TRHDE: variants seen among roughly 807,000 people sequenced by gnomAD.
TRHDE encodes the protein thyrotropin-releasing hormone-degrading ectoenzyme.
TRHDE carries 72 observed loss-of-function variants against 125.7 expected under a neutral mutation model. That is an observed-to-expected ratio of 0.57 (90% confidence interval 0.47 to 0.70). TRHDE has a LOEUF of 0.70. Among genes scored for constraint, TRHDE ranks in the 30% least tolerant of loss-of-function variants. The probability of loss-of-function intolerance (pLI) is 0.00; values close to 1 mark genes in which losing one functional copy is unlikely to be tolerated. For missense variants in TRHDE, 1,110 were observed against 1,327.1 expected (o/e 0.84, Z 2.54); for synonymous variants, 509 against 509.1 (o/e 1.00, Z 0.00).
At chr12:72,251,151 C>A (rs996989919) in intron 2 of TRHDE, among the ~76,000 whole-genome samples, 2 of 151,814 alleles carry the variant, frequency 1.3e-5, no homozygotes, top group Non-Finnish European at 2.9e-5. Context: ...GTTTTACATG[C>A]ATTCATTTGA....
chr12:72,117,258 G>C (rs1433351945), intron 2 of TRHDE, among the ~76,000 whole-genome samples: 2 of 152,010 alleles, frequency 1.3e-5, no homozygotes, highest in East Asian at 3.8e-4. Flanking sequence ...TTTTTATATG[G>C]TGAGAGATAA....
intron 2 of TRHDE, among the ~76,000 whole-genome samples, chr12:72,240,305 T>TTATATA (rs56969276): frequency 0.046 from 5,064 of 111,190 alleles, 136 homozygotes; most frequent in Admixed American, 0.095. Context: ...TTCTCACATT[T>TTATATA]TATATATATA....
At chr12:72,214,269 A>G (rs1877841715) in intron 2 of TRHDE, among the ~76,000 whole-genome samples, 1 of 152,172 alleles carries the variant, frequency 6.6e-6, no homozygotes, top group South Asian at 2.1e-4. Context: ...AAATAAAACC[A>G]TTAGTTCTCT....
chr12:72,111,377 A>G (rs1303529064), intron 2 of TRHDE, among the ~76,000 whole-genome samples: 2 of 152,142 alleles, frequency 1.3e-5, no homozygotes, highest in East Asian at 1.9e-4. Context: ...CATACTATTT[A>G]ACAAGCAAAC....
At chr12:72,522,603 A>G (rs1868268142) in intron 6 of TRHDE, among the ~76,000 whole-genome samples, 3 of 152,224 alleles carry the variant, frequency 2.0e-5, no homozygotes, top group South Asian at 4.1e-4. Context: ...GCTCTGTGCT[A>G]TGAAGCAATA....
rs1872966545 is a variant in TRHDE at position 72,619,732 on chromosome 12, TG to T, written c.2469+695del. Among the ~76,000 whole-genome samples the T allele has an allele frequency of 2.6e-5, 4 of 152,294 alleles. No homozygotes were observed. The South Asian group carries it at 8.3e-4, about 32-fold the overall frequency. On this transcript the variant is annotated intron_variant, in intron 13 of 18. Coordinates refer to ENST00000261180, the MANE Select transcript of TRHDE (RefSeq NM_013381.3). ...TTTTGATTCTTAAATTTCTTATCAC[TG>T]TGCCTTCCATGATGTTTGAACACTA...
chr12:72,581,568 A>G (rs1871227860), intron 12 of TRHDE, among the ~76,000 whole-genome samples: 1 of 152,182 alleles, frequency 6.6e-6, no homozygotes, highest in African/African-American at 2.4e-5. Flanking sequence ...AAACACGTGC[A>G]TATCTATTGT....
intron 6 of TRHDE, among the ~76,000 whole-genome samples, chr12:72,531,649 C>T (rs908214452): frequency 1.3e-5 from 2 of 151,788 alleles, no homozygotes; most frequent in Admixed American, 6.6e-5. Flanking sequence ...GATATTTCTT[C>T]GTTGATGTTG....
At chr12:72,598,999 C>G (rs1048606216) in intron 12 of TRHDE, among the ~76,000 whole-genome samples, 3 of 152,036 alleles carry the variant, frequency 2.0e-5, no homozygotes, top group Non-Finnish European at 4.4e-5. Flanking sequence ...TTTTCTGTTC[C>G]TGCATTAATT....
chr12:72,291,768 C>T (rs1490485106), intron 2 of TRHDE, among the ~76,000 whole-genome samples: 1 of 152,172 alleles, frequency 6.6e-6, no homozygotes, highest in Non-Finnish European at 1.5e-5. Context: ...GGGTTCTATG[C>T]AAATACTATA....
rs561916592 is a variant in TRHDE at position 72,131,266 on chromosome 12, G to A, written n.279+25514G>A. On this transcript the variant is annotated intron_variant and non_coding_transcript_variant, in intron 2 of 4. Coordinates refer to the TRHDE transcript ENST00000548156. ...TTTTTGTAGTTTTAGTAGAGACGGG[G>A]TTTCACCGTGTTCTCCAGGATGGTC... 7.9e-5 allele frequency among the ~76,000 whole-genome samples: 12 copies of A among 151,726 alleles called. No homozygotes were observed. The South Asian group carries it at 2.3e-3, about 29-fold the overall frequency.
chr12:72,565,678 A>G (rs956611426), intron 9 of TRHDE, among the ~76,000 whole-genome samples: 3 of 152,160 alleles, frequency 2.0e-5, no homozygotes, highest in Non-Finnish European at 4.4e-5. Flanking sequence ...ACAGTTTTTC[A>G]CAAAGTCTGG....
intron 2 of TRHDE, among the ~76,000 whole-genome samples, chr12:72,233,855 AT>A (rs1345489894): frequency 1.8e-4 from 27 of 152,124 alleles, no homozygotes; most frequent in Non-Finnish European, 1.0e-4. Flanking sequence ...CACTTAGAAG[AT>A]TTTTTTTCAG....
At chr12:72,298,973 AC>A (rs762819901) in intron 2 of TRHDE, among the ~76,000 whole-genome samples, 79 of 152,160 alleles carry the variant, frequency 5.2e-4, no homozygotes, top group Non-Finnish European at 7.6e-4. Flanking sequence ...AAATGGCCAA[AC>A]TTTTGCACCA....
intron 2 of TRHDE, among the ~76,000 whole-genome samples, chr12:72,260,781 C>T (rs964816918): frequency 7.9e-5 from 12 of 152,098 alleles, no homozygotes; most frequent in African/African-American, 2.9e-4. Flanking sequence ...TTCGTTCATT[C>T]GAAATACGCG....
chr12:72,109,171 T>G (rs1170139455), intron 2 of TRHDE, among the ~76,000 whole-genome samples: 1 of 152,074 alleles, frequency 6.6e-6, no homozygotes, highest in Non-Finnish European at 1.5e-5. Flanking sequence ...AAGACTGGGT[T>G]CCTGCCCTCA....
chr12:72,328,121 C>CA (rs776510638), intron 2 of TRHDE, among the ~76,000 whole-genome samples: 63 of 152,256 alleles, frequency 4.1e-4, no homozygotes, highest in Non-Finnish European at 5.9e-4. Flanking sequence ...CCATCAAAGC[C>CA]AAAATATTCA....
At chr12:72,437,453 G>A (rs1209849455) in intron 3 of TRHDE, among the ~76,000 whole-genome samples, 1 of 151,792 alleles carries the variant, frequency 6.6e-6, no homozygotes, top group African/African-American at 2.4e-5. Flanking sequence ...CTTCAGGAAT[G>A]AAGTAATTTT....
rs962346221 is a variant in TRHDE at position 72,607,666 on chromosome 12, A to G, written c.2322-11225A>G. On this transcript the variant is annotated intron_variant, in intron 12 of 18. Coordinates refer to ENST00000261180, the MANE Select transcript of TRHDE (RefSeq NM_013381.3). ...ATTTTGACCTTATGAATTTAAGTCT[A>G]TCAGATAGGTTTCAAGTCATAGCAG... Among the ~76,000 whole-genome samples, 12 of 152,222 alleles carry G rather than the reference A, an allele frequency of 7.9e-5. No individual in the cohort carries two copies. The South Asian group carries it at 1.0e-3, about 13-fold the overall frequency.
Sources: allele counts gnomAD v4.1 joint callset (sites outside exome capture counted in the v4.1 genomes callset), GRCh38; gene constraint gnomAD v4.1.1; transcripts MANE v1.5; gene names NCBI Gene and HGNC (gene_info 2026-07-23, HGNC 2026-07-21).